The following IMPACT variants were observed in gnomAD, a reference collection of about 807,000 sequenced individuals.
IMPACT encodes protein IMPACT.
IMPACT carries 35 observed loss-of-function variants against 47.5 expected under a neutral mutation model. That is an observed-to-expected ratio of 0.74 (90% CI 0.56 to 0.98). The LOEUF is 0.98. Ranked by LOEUF, IMPACT falls within the 50% of genes least tolerant of loss-of-function variation. IMPACT has a pLI of 0.00. For synonymous variants in IMPACT, 118 were observed against 125.6 expected (o/e 0.94, Z 0.40); for missense variants, 373 against 394.8 (o/e 0.94, Z 0.47).
intron 8 of IMPACT, 51 bp downstream of exon 8, chr18:24,445,517 G>T (rs767331062): frequency 9.9e-7 from 1 of 1,007,900 alleles, no homozygotes. Context: ...AAAATAGAGG[G>T]AAATGATGCA....
intron 4 of IMPACT, among the ~76,000 whole-genome samples, chr18:24,432,483 AGTT>A (rs1908782328): frequency 2.6e-5 from 4 of 152,184 alleles, no homozygotes; most frequent in African/African-American, 7.2e-5. Context: ...GAAAATGGTG[AGTT>A]GTTGTGGAAT....
chr18:24,426,679 T>TCGGCTCGCAGCCG lies in IMPACT; in HGVS notation c.-76_-64dup, dbSNP rs1255246284. ...GGTCGGGCCGCGCCGCAGCCAGCTC[T>TCGGCTCGCAGCCG]CGGCTCGCAGCCGCAGCGCCCCGCC... On this transcript the variant is annotated 5_prime_UTR_variant, in exon 1 of 11. Transcript: ENST00000284202. The TCGGCTCGCAGCCG allele has an allele frequency of 9.0e-7, 1 of 1,111,642 alleles. No individual in the cohort carries two copies. The highest frequency in any genetic ancestry group is 3.3e-5 in the East Asian group (1 of 30,714). 68.9% of individuals were successfully genotyped at this position (1,111,642 alleles called of 1,614,324 possible). A position where few individuals can be genotyped will look rare whatever the true frequency, so the allele number is the denominator to read the frequency against.
rs1287351165 is a variant in IMPACT, at chr18:24,450,731, A to G, written c.895-48A>G. On this transcript the variant is annotated intron_variant, in intron 10 of 10. Coordinates refer to ENST00000284202, the MANE Select transcript of IMPACT (RefSeq NM_018439.4). ...TCTAAGTGATTAGATTGAAGATTTC[A>G]TCTTTATGTAAATGGAGAGATGCTG... is the stretch of plus-strand genomic sequence containing the variant. The G allele has an allele frequency of 6.6e-6, 8 of 1,210,922 alleles. No homozygotes were observed. In the South Asian group the frequency reaches 1.0e-4, roughly 16 times the overall value. The allele number at this position is 1,210,922 out of a possible 1,614,324, so 75.0% of individuals were successfully genotyped here. A position where few individuals can be genotyped will look rare whatever the true frequency, so the allele number is the denominator to read the frequency against.
chr18:24,429,028 A>G (rs905794609), intron 3 of IMPACT, 107 bp downstream of exon 3: 4 of 676,762 alleles, frequency 5.9e-6, no homozygotes, highest in Middle Eastern at 3.6e-4. Context: ...TAACATGTAT[A>G]TAGAAATTAA....
At chr18:24,434,383 T>C (rs1462695667) in intron 4 of IMPACT, among the ~76,000 whole-genome samples, 1 of 152,112 alleles carries the variant, frequency 6.6e-6, no homozygotes, top group Non-Finnish European at 1.5e-5. Context: ...AGGGGCTCTT[T>C]AGAAGAGCAG....
intron 6 of IMPACT, among the ~76,000 whole-genome samples, chr18:24,441,468 C>T (rs1233166311): frequency 6.6e-6 from 1 of 152,210 alleles, no homozygotes; most frequent in Non-Finnish European, 1.5e-5. Context: ...AGGCGTGAGC[C>T]ACCACGCCCG....
chr18:24,440,142 GACTC>G (rs1234228220), intron 5 of IMPACT, among the ~76,000 whole-genome samples: 1 of 139,720 alleles, frequency 7.2e-6, no homozygotes, highest in Non-Finnish European at 1.6e-5. Context: ...TATCAGTATG[GACTC>G]ATGTATATTA....
intron 4 of IMPACT, among the ~76,000 whole-genome samples, chr18:24,434,078 G>T (rs1396335007): frequency 1.3e-5 from 2 of 151,876 alleles, no homozygotes; most frequent in African/African-American, 4.8e-5. Flanking sequence ...GGTAGCTTTT[G>T]TCTGTAATCC....
At chr18:24,430,942 T>C (rs918541718) in intron 4 of IMPACT, among the ~76,000 whole-genome samples, 1 of 152,210 alleles carries the variant, frequency 6.6e-6, no homozygotes, top group Non-Finnish European at 1.5e-5. Flanking sequence ...TCCCTTGTAT[T>C]AGGCCATAAG....
chr18:24,429,811 G>T (rs554089325), intron 3 of IMPACT, among the ~76,000 whole-genome samples: 6 of 148,146 alleles, frequency 4.1e-5, no homozygotes, highest in African/African-American at 7.5e-5. Flanking sequence ...ACAGAGTCCT[G>T]CTCTGTCTCC....
At chr18:24,444,559 A>G (rs1218405648) in intron 7 of IMPACT, among the ~76,000 whole-genome samples, 1 of 152,216 alleles carries the variant, frequency 6.6e-6, no homozygotes, top group Non-Finnish European at 1.5e-5. Flanking sequence ...GGGAAGATCT[A>G]AACTTATTAC....
intron 7 of IMPACT, 50 bp downstream of exon 7, chr18:24,443,202 G>A: frequency 3.5e-6 from 3 of 852,232 alleles, no homozygotes; most frequent in Non-Finnish European, 5.6e-6. Context: ...AATAATTCAG[G>A]TAAATGATTT....
At chr18:24,436,031 A>G (rs1454108011) in intron 4 of IMPACT, among the ~76,000 whole-genome samples, 1 of 152,228 alleles carries the variant, frequency 6.6e-6, no homozygotes, top group African/African-American at 2.4e-5. Flanking sequence ...TTTTCTGAAG[A>G]AAATGCTCTA....
chr18:24,428,889 C>T lies in IMPACT; in HGVS notation c.186C>T (p.Tyr62=). ...TGTAGGTGATGCTGCCGAATGAATA[C>T]CCAGGTACAGCTCCACCTATCTACC... ...LCLQVMLPNE[Y]PGTAPPIYQL... Residue 62 remains tyrosine, a synonymous_variant, in exon 3 of 11, where the codon TAC becomes TAT. Transcript: ENST00000284202. 6.2e-7 allele frequency: 1 copy of T among 1,611,642 alleles called. No individual in the cohort carries two copies.
At chr18:24,429,693 C>T (rs1411440095) in intron 3 of IMPACT, 1 of 151,568 alleles carries the variant, frequency 6.6e-6, no homozygotes, top group African/African-American at 2.4e-5. Flanking sequence ...TTAATGCTTA[C>T]TGTTAATAAT....
At chr18:24,447,728 A>C (rs751618581) in intron 8 of IMPACT, among the ~76,000 whole-genome samples, 15 of 152,136 alleles carry the variant, frequency 9.9e-5, no homozygotes, top group Non-Finnish European at 2.1e-4. Flanking sequence ...AATATGTCTT[A>C]GTACCTGTTG....
chr18:24,428,137 T>C (rs1815571478), intron 2 of IMPACT, 90 bp downstream of exon 2: 1 of 1,214,848 alleles, frequency 8.2e-7, no homozygotes, highest in Non-Finnish European at 1.1e-6. Flanking sequence ...TGTTGTTTTC[T>C]AAATTATCTT....
intron 4 of IMPACT, among the ~76,000 whole-genome samples, chr18:24,430,587 A>T (rs1908727002): frequency 6.6e-6 from 1 of 152,312 alleles, no homozygotes; most frequent in Middle Eastern, 3.4e-3. Context: ...TTAGATACAA[A>T]AATACAGTAA....
intron 4 of IMPACT, among the ~76,000 whole-genome samples, chr18:24,437,181 A>AT (rs1177569203): frequency 1.3e-5 from 2 of 152,170 alleles, no homozygotes; most frequent in Non-Finnish European, 2.9e-5. Context: ...GCTATATAGT[A>AT]GTGTGGTGAT....
Sources: gnomAD v4.1 joint callset for allele counts (sites outside exome capture counted in the v4.1 genomes callset) on GRCh38, gnomAD v4.1.1 for gene constraint, MANE v1.5 for transcripts, NCBI Gene and HGNC (gene_info 2026-07-23, HGNC 2026-07-21) for gene names.